KIAA0825: variants seen among roughly 807,000 people sequenced by gnomAD.
The protein encoded by KIAA0825 is KIAA0825, also known as uncharacterized protein KIAA0825.
A neutral mutation model predicts 147.6 loss-of-function variants in KIAA0825; 119 were observed. That is an observed-to-expected ratio of 0.81 (90% CI 0.69 to 0.94). KIAA0825 has a LOEUF of 0.94. KIAA0825 is among the 40% of genes least tolerant of loss of function. KIAA0825 has a pLI of 0.00. For missense variants in KIAA0825, 1,381 were observed against 1,472.7 expected, an observed-to-expected ratio of 0.94 and a Z score of 1.02; for synonymous variants, 470 against 518.1, an observed-to-expected ratio of 0.91 and a Z score of 1.26.
At chr5:94,589,100 T>C (rs1783863742) in intron 1 of KIAA0825, among the ~76,000 whole-genome samples, 1 of 152,122 alleles carries the variant, frequency 6.6e-6, no homozygotes, top group Non-Finnish European at 1.5e-5. Flanking sequence ...GGCACAGGTA[T>C]ACCTATGCAA....
chr5:94,382,870 T>C (rs938321493), intron 20 of KIAA0825, among the ~76,000 whole-genome samples: 7 of 152,220 alleles, frequency 4.6e-5, no homozygotes, highest in Admixed American at 4.6e-4. Context: ...TAGAGGACCA[T>C]TTAGTGGATT....
chr5:94,372,456 C>T (rs1302298320), intron 20 of KIAA0825, among the ~76,000 whole-genome samples: 2 of 152,240 alleles, frequency 1.3e-5, no homozygotes, highest in African/African-American at 2.4e-5. Context: ...AACTTCAATT[C>T]TTGTCTTCTG....
chr5:94,400,963 T>A (rs1751296050), intron 16 of KIAA0825, among the ~76,000 whole-genome samples: 1 of 152,156 alleles, frequency 6.6e-6, no homozygotes, highest in South Asian at 2.1e-4. Context: ...AATGACTATT[T>A]GTCTTTTAGT....
At chr5:94,287,361 ACAAG>A (rs1452105295) in intron 20 of KIAA0825, among the ~76,000 whole-genome samples, 2 of 152,182 alleles carry the variant, frequency 1.3e-5, no homozygotes, top group Non-Finnish European at 2.9e-5. Context: ...AATGCTTAAA[ACAAG>A]CAAGCATCAT....
At chr5:94,379,439 T>C (rs540084886) in intron 20 of KIAA0825, among the ~76,000 whole-genome samples, 1 of 152,322 alleles carries the variant, frequency 6.6e-6, no homozygotes, top group East Asian at 1.9e-4. Flanking sequence ...CTAGGCTCAC[T>C]ATTCTGTTCC....
At chr5:94,468,165 G>T (rs763257163) in intron 10 of KIAA0825, among the ~76,000 whole-genome samples, 13 of 152,108 alleles carry the variant, frequency 8.5e-5, no homozygotes, top group Non-Finnish European at 1.6e-4. Flanking sequence ...ATGGTAATTT[G>T]TTGGTTTTTA....
chr5:94,228,311 G>T (rs771357500), intron 20 of KIAA0825, among the ~76,000 whole-genome samples: 7 of 152,124 alleles, frequency 4.6e-5, no homozygotes, highest in Non-Finnish European at 7.4e-5. Flanking sequence ...CAACAAGTAT[G>T]CAGAAAGATC....
chr5:94,431,674 A>C (rs1317844500), intron 14 of KIAA0825, among the ~76,000 whole-genome samples: 1 of 152,226 alleles, frequency 6.6e-6, no homozygotes, highest in East Asian at 1.9e-4. Flanking sequence ...AAAATAAATA[A>C]AAACAACATT....
chr5:94,406,373 T>C (rs1752065731), intron 15 of KIAA0825, among the ~76,000 whole-genome samples: 1 of 152,222 alleles, frequency 6.6e-6, no homozygotes, highest in African/African-American at 2.4e-5. Context: ...GAATTGTCCA[T>C]AGTCTATGTA....
intron 20 of KIAA0825, among the ~76,000 whole-genome samples, chr5:94,186,628 A>G (rs1023739708): frequency 6.6e-6 from 1 of 152,230 alleles, no homozygotes; most frequent in Non-Finnish European, 1.5e-5. Context: ...AACAAATCCA[A>G]TATAAGATCT....
rs182419141 is a variant in KIAA0825 at position 94,517,704 on chromosome 5, A to G, written c.970+2544T>C. On this transcript the variant is annotated intron_variant, in intron 5 of 20. Coordinates refer to ENST00000682413, the MANE Select transcript of KIAA0825 (RefSeq NM_001145678.3). ...AATTTAAATAAATTAAATTTATTTT[A>G]AATTATTTAAATTTAAATAAATTAA... Among the ~76,000 whole-genome samples, 170 of 150,814 alleles carry G rather than the reference A, an allele frequency of 1.1e-3. 2 individuals carry two copies. In the East Asian group the frequency reaches 0.012, roughly 11 times the overall value.
At chr5:94,543,740 G>C (rs921864000) in intron 2 of KIAA0825, among the ~76,000 whole-genome samples, 4 of 152,128 alleles carry the variant, frequency 2.6e-5, no homozygotes, top group African/African-American at 9.7e-5. Flanking sequence ...TTAGGATTAA[G>C]GGCTAAGGGA....
intron 1 of KIAA0825, among the ~76,000 whole-genome samples, chr5:94,588,338 A>G (rs897488973): frequency 6.6e-6 from 1 of 152,204 alleles, no homozygotes; most frequent in Non-Finnish European, 1.5e-5. Flanking sequence ...ACTTAAACAA[A>G]TTTACAAGAA....
intron 20 of KIAA0825, among the ~76,000 whole-genome samples, chr5:94,262,086 G>C (rs1420467551): frequency 1.3e-5 from 2 of 152,040 alleles, no homozygotes; most frequent in African/African-American, 4.8e-5. Flanking sequence ...ATAGCAAAGA[G>C]TTAATGTTGC....
intron 2 of KIAA0825, among the ~76,000 whole-genome samples, chr5:94,542,664 G>A (rs141190981): frequency 3.2e-4 from 49 of 152,110 alleles, no homozygotes; most frequent in Middle Eastern, 3.4e-3. Flanking sequence ...AAAATTAGCC[G>A]AGCATGATGG....
chr5:94,456,864 CT>C (rs1333220566), intron 12 of KIAA0825, among the ~76,000 whole-genome samples: 1 of 152,066 alleles, frequency 6.6e-6, no homozygotes, highest in Non-Finnish European at 1.5e-5. Context: ...AAATGGTTGC[CT>C]AGCTACAGTT....
At chr5:94,607,989 T>C (rs1198929615) in intron 1 of KIAA0825, among the ~76,000 whole-genome samples, 2 of 152,140 alleles carry the variant, frequency 1.3e-5, no homozygotes, top group Non-Finnish European at 1.5e-5. Context: ...TGTAATTACA[T>C]TGAGACAACT....
chr5:94,297,890 C>T (rs982395725), intron 20 of KIAA0825, among the ~76,000 whole-genome samples: 1 of 151,008 alleles, frequency 6.6e-6, no homozygotes, highest in Non-Finnish European at 1.5e-5. Context: ...GCCACCACAC[C>T]CAGCGTCATC....
chr5:94,528,036 C>T (rs1769695673), intron 3 of KIAA0825, among the ~76,000 whole-genome samples: 1 of 151,864 alleles, frequency 6.6e-6, no homozygotes, highest in East Asian at 1.9e-4. Flanking sequence ...AAGAATACTC[C>T]TAACACAACT....
Sources: allele counts gnomAD v4.1 joint callset (sites outside exome capture counted in the v4.1 genomes callset), GRCh38; gene constraint gnomAD v4.1.1; transcripts MANE v1.5; gene names NCBI Gene and HGNC (gene_info 2026-07-23, HGNC 2026-07-21).